Variants in NME9 observed in about 807,000 individuals in gnomAD.
The protein encoded by NME9 is thioredoxin domain-containing protein 6.
A neutral mutation model predicts 44.4 loss-of-function variants in NME9; 48 were observed. The observed-to-expected ratio is 1.08, with a 90% CI of 0.86 to 1.37. The LOEUF is 1.37. Among genes scored for constraint, NME9 ranks in the 40% most tolerant of loss-of-function variants. The probability of loss-of-function intolerance (pLI) is 0.00; values close to 1 mark genes in which losing one functional copy is unlikely to be tolerated. For missense variants in NME9, 325 were observed against 405.2 expected, an observed-to-expected ratio of 0.80 and a Z score of 1.70; for synonymous variants, 139 against 147.1, an observed-to-expected ratio of 0.94 and a Z score of 0.40.
At chr3:138,284,363 G>A in intron 8 of NME9, 1 of 1,254,318 alleles carries the variant, frequency 8.0e-7, no homozygotes, top group Non-Finnish European at 1.2e-6. Context: ...AATTGCCCAA[G>A]CTCTTGAGAC....
At chr3:138,267,508 T>C (rs1318682885) in intron 8 of NME9, among the ~76,000 whole-genome samples, 1 of 152,230 alleles carries the variant, frequency 6.6e-6, no homozygotes, top group Non-Finnish European at 1.5e-5. Flanking sequence ...TGCCTGAAAC[T>C]GTGAATGTAA....
At chr3:138,305,102 A>C (rs548675371) in intron 8 of NME9, 75 bp from the exon 9 acceptor site, 143 of 1,386,104 alleles carry the variant, frequency 1.0e-4, no homozygotes, top group South Asian at 3.5e-4. Flanking sequence ...AGCCCATCTC[A>C]CCCACGGAAT....
chr3:138,266,896 A>G (rs997911282), intron 8 of NME9, among the ~76,000 whole-genome samples: 2 of 152,102 alleles, frequency 1.3e-5, no homozygotes, highest in African/African-American at 4.8e-5. Flanking sequence ...TTCCCCTGAC[A>G]TGTCTCTCTC....
chr3:138,303,028 C>T (rs1453831820), intron 10 of NME9, among the ~76,000 whole-genome samples: 4 of 152,218 alleles, frequency 2.6e-5, no homozygotes, highest in Admixed American at 6.5e-5. Context: ...TCCTAAACAA[C>T]GGTCATGCAT....
In NME9 at chr3:138,317,363, G is replaced by C. The variant is rs541118292; in HGVS notation, c.267+785C>G. Among the ~76,000 whole-genome samples the C allele has an allele frequency of 2.6e-5, 4 of 152,312 alleles. No individual in the cohort carries two copies. In the South Asian group the frequency reaches 8.3e-4, roughly 32 times the overall value. On this transcript the variant is annotated intron_variant, in intron 4 of 10. Transcript: ENST00000333911. ...CCCTAGCCTGGTGTTTGGAGACCTGGTTGAGTAGATCCCAGTATTCCTGAC... is the reference window on the plus strand; with the variant it reads ...CCCTAGCCTGGTGTTTGGAGACCTGCTTGAGTAGATCCCAGTATTCCTGAC...
chr3:138,317,149 T>A (rs2053144766), intron 4 of NME9, among the ~76,000 whole-genome samples: 1 of 152,204 alleles, frequency 6.6e-6, no homozygotes, highest in Admixed American at 6.5e-5. Flanking sequence ...TGATGTCAAG[T>A]GTGTCTGGGG....
rs147218250 is a variant in NME9 at position 138,284,652 on chromosome 3, T to A, written c.745+18855A>T. 10 of 684,288 alleles carry A rather than the reference T, an allele frequency of 1.5e-5. No individual in the cohort carries two copies. In the East Asian group the frequency reaches 2.6e-4, roughly 18 times the overall value. The allele number at this position is 684,288 out of a possible 1,614,324, so 42.4% of individuals were successfully genotyped here. On this transcript the variant is annotated intron_variant, in intron 8 of 8. Transcript: ENST00000317876. The stretch of plus-strand genomic sequence containing the variant: ...TAGATTACTCTGTGACTCCTCAGAT[T>A]CAAAGAACTCTCTTCCATCCTGAAG...
intron 8 of NME9, chr3:138,263,802 G>A: frequency 6.2e-7 from 1 of 1,614,032 alleles, no homozygotes; most frequent in Non-Finnish European, 8.5e-7. Context: ...TAGTGTCAAG[G>A]TGCGGTTAGC....
intron 8 of NME9, among the ~76,000 whole-genome samples, chr3:138,265,982 A>C (rs774475538): frequency 3.9e-5 from 6 of 152,194 alleles, no homozygotes; most frequent in Non-Finnish European, 8.8e-5. Flanking sequence ...ACTACTCAGG[A>C]GCTGTCAGGG....
At chr3:138,271,501 C>T (rs546078961) in intron 8 of NME9, among the ~76,000 whole-genome samples, 2 of 152,344 alleles carry the variant, frequency 1.3e-5, no homozygotes, top group South Asian at 4.1e-4. Flanking sequence ...CTCTGACATG[C>T]ACAACTTTAA....
At chr3:138,316,736 T>C (rs565005886) in intron 4 of NME9, among the ~76,000 whole-genome samples, 17 of 152,294 alleles carry the variant, frequency 1.1e-4, no homozygotes, top group African/African-American at 4.1e-4. Flanking sequence ...TGCCTCAGCC[T>C]CCTAAGTAGC....
chr3:138,264,670 G>A (rs1355991733), intron 8 of NME9, among the ~76,000 whole-genome samples: 5 of 151,532 alleles, frequency 3.3e-5, no homozygotes, highest in African/African-American at 7.3e-5. Context: ...TGCCCGCCTC[G>A]GCCCTCCAAA....
intron 6 of NME9, among the ~76,000 whole-genome samples, chr3:138,307,871 C>A (rs1002060884): frequency 1.3e-5 from 2 of 152,168 alleles, no homozygotes; most frequent in Non-Finnish European, 2.9e-5. Context: ...TCCCATTCTG[C>A]AGAAAAATCC....
chr3:138,304,869 T>C lies in NME9; in HGVS notation c.791+4A>G, dbSNP rs1473125652. 4 of 1,613,480 alleles carry C rather than the reference T, an allele frequency of 2.5e-6. No homozygotes were observed. The African/African-American group carries it at 4.0e-5, about 16-fold the overall frequency. On this transcript the variant is annotated splice_donor_region_variant and intron_variant, in intron 9 of 10. Transcript: ENST00000333911. Reference sequence around the variant, plus strand: ...GATGAAAGGACCACAGCTGGTGACATCACCTTTCTGGCTGCTCCCTCCTGG... The same window carrying C: ...GATGAAAGGACCACAGCTGGTGACACCACCTTTCTGGCTGCTCCCTCCTGG...
At chr3:138,305,514 C>G (rs1326163932) in intron 8 of NME9, among the ~76,000 whole-genome samples, 1 of 152,082 alleles carries the variant, frequency 6.6e-6, no homozygotes, top group Non-Finnish European at 1.5e-5. Flanking sequence ...TGACTGACAA[C>G]CATGGGATGC....
rs202035950 is a variant in NME9 at position 138,318,171 on chromosome 3, C to T, written c.244G>A (p.Glu82Lys). 14 of 1,611,214 alleles carry T rather than the reference C, an allele frequency of 8.7e-6. No individual in the cohort carries two copies. The highest frequency in any genetic ancestry group is 3.3e-5 in the South Asian group (3 of 91,000). Residue 82 changes from glutamate (E) to lysine (K), a missense_variant, in exon 4 of 11, where the codon GAG becomes AAG. By Grantham distance (56) the Glu-to-Lys change is moderately conservative. Transcript: ENST00000333911. ...ACTGCATAAAACAGAAAGGTTGGCT[C>T]GCACTTCCCTCTGTACTTTTCGAGG... The part of the protein sequence containing the change: ...DVLEKYRGKC[E>K]PTFLFYAGGE...
intron 8 of NME9, among the ~76,000 whole-genome samples, chr3:138,280,295 T>C (rs767191421): frequency 2.3e-4 from 34 of 149,544 alleles, no homozygotes; most frequent in Non-Finnish European, 4.8e-4. Flanking sequence ...TTTGGTTTCA[T>C]TGATTTTCCC....
At chr3:138,325,069 T>C in intron 1 of NME9, 139 bp from the exon 2 acceptor site, 3 of 678,778 alleles carry the variant, frequency 4.4e-6, no homozygotes, top group Middle Eastern at 2.5e-4. Flanking sequence ...CCCCATCTTC[T>C]TTTCTCCTTC....
chr3:138,327,946 A>C (rs2053896759), intron 1 of NME9, among the ~76,000 whole-genome samples: 1 of 152,202 alleles, frequency 6.6e-6, no homozygotes, highest in Non-Finnish European at 1.5e-5. Context: ...GAGACACCAC[A>C]GACAACATCA....
Sources: gnomAD v4.1 joint callset for allele counts (sites outside exome capture counted in the v4.1 genomes callset) on GRCh38, gnomAD v4.1.1 for gene constraint, MANE v1.5 for transcripts, NCBI Gene and HGNC (gene_info 2026-07-23, HGNC 2026-07-21) for gene names.